The following C5orf22 variants were observed in gnomAD, a reference collection of about 807,000 sequenced individuals.
C5orf22 encodes the protein chromosome 5 open reading frame 22.
Under a neutral mutation model 48.7 loss-of-function variants are expected in C5orf22, and 36 were observed. The observed-to-expected ratio is 0.74, with a 90% CI of 0.57 to 0.98. The LOEUF is 0.98. C5orf22 is among the 50% of genes least tolerant of loss of function. C5orf22 has a pLI of 0.00. For missense variants in C5orf22, 486 were observed against 521.9 expected, an observed-to-expected ratio of 0.93 and a Z score of 0.67; for synonymous variants, 141 against 180.8, an observed-to-expected ratio of 0.78 and a Z score of 1.76.
chr5:31,549,931 G>T (rs960526523), intron 7 of C5orf22, among the ~76,000 whole-genome samples: 4 of 152,152 alleles, frequency 2.6e-5, no homozygotes, highest in African/African-American at 9.7e-5. Context: ...ATGTCTGCAG[G>T]CAGGTCTGCT....
At chr5:31,546,034 T>TTTTTTATTGATGAGTA (rs1742861617) in intron 7 of C5orf22, among the ~76,000 whole-genome samples, 1 of 152,188 alleles carries the variant, frequency 6.6e-6, no homozygotes, top group South Asian at 2.1e-4. Context: ...AAATGGTCCA[T>TTTTTTATTGATGAGTA]TTTTTATTGA....
At chr5:31,547,026 A>T (rs1742928763) in intron 7 of C5orf22, among the ~76,000 whole-genome samples, 1 of 152,238 alleles carries the variant, frequency 6.6e-6, no homozygotes, top group Admixed American at 6.5e-5. Context: ...CCTTCCACCT[A>T]TGAGCCTGTA....
At chr5:31,547,303 T>G (rs974512476) in intron 7 of C5orf22, among the ~76,000 whole-genome samples, 2 of 152,228 alleles carry the variant, frequency 1.3e-5, no homozygotes, top group Non-Finnish European at 2.9e-5. Context: ...CCTGGCTGTT[T>G]TCATGAGCTG....
At chr5:31,549,267 C>T (rs980984753) in intron 7 of C5orf22, among the ~76,000 whole-genome samples, 1 of 152,090 alleles carries the variant, frequency 6.6e-6, no homozygotes, top group African/African-American at 2.4e-5. Context: ...TACTCATTCG[C>T]TATCATGAGA....
Position 31,541,390 on chromosome 5 carries a change from C to A in C5orf22, c.980C>A (p.Ala327Asp), listed in dbSNP as rs1742458915. Residue 327 changes from alanine to aspartate, a missense_variant, in exon 6 of 9, where the codon GCT becomes GAT. Around this residue, in one of 3 missense-constraint regions of C5orf22, gnomAD observed 408 missense variants for 444.0 expected, o/e 0.92. Transcript: ENST00000325366. Reference sequence around the variant, plus strand: ...GATGAAGAAACGGTACAGAGATGGGCTTCAAACCCTGGGTAAGACTCTCAA... The same window carrying A: ...GATGAAGAAACGGTACAGAGATGGGATTCAAACCCTGGGTAAGACTCTCAA... ...GDDEETVQRW[A>D]SNPGMESLVP... 1.9e-6 allele frequency: 3 copies of A among 1,613,774 alleles called. No homozygotes were observed. The highest frequency in any genetic ancestry group is 2.5e-6 in the Non-Finnish European group (3 of 1,179,836).
At chr5:31,546,360 C>T (rs1185651262) in intron 7 of C5orf22, among the ~76,000 whole-genome samples, 1 of 152,192 alleles carries the variant, frequency 6.6e-6, no homozygotes, top group Admixed American at 6.5e-5. Context: ...TTCCAAGTCT[C>T]CTTCCTCTTA....
chr5:31,546,319 C>G (rs1742877488), intron 7 of C5orf22, among the ~76,000 whole-genome samples: 1 of 152,188 alleles, frequency 6.6e-6, no homozygotes, highest in African/African-American at 2.4e-5. Flanking sequence ...GTTCAAGTGA[C>G]TTTTCTCAGA....
intron 7 of C5orf22, among the ~76,000 whole-genome samples, chr5:31,550,993 C>T (rs752463559): frequency 6.6e-5 from 10 of 152,050 alleles, no homozygotes; most frequent in Admixed American, 1.3e-4. Context: ...GGCATATAGG[C>T]GAGTTCTACC....
At position 31,538,670 on chromosome 5, in the gene C5orf22, T is replaced by A; in HGVS notation, c.788T>A (p.Phe263Tyr). Residue 263 changes from phenylalanine to tyrosine, a missense_variant, in exon 4 of 9, where the codon TTC (phenylalanine) becomes TAC (tyrosine). This residue lies in a region of C5orf22 where 408 missense variants were observed against 444.0 expected (regional missense o/e 0.92). Coordinates refer to ENST00000325366, the MANE Select transcript of C5orf22 (RefSeq NM_018356.3). ...GATTTTTTTTCAGTCAAGAATCCCT[T>A]CAAAGAAATGTTCACTCAGGTAAAT... The part of the protein sequence containing the change: ...DLDFFSVKNP[F>Y]KEMFTQEEYK... The A allele has an allele frequency of 6.2e-7, 1 of 1,611,046 alleles. No homozygotes were observed. Among genetic ancestry groups the A allele is most frequent in the East Asian group, 2.2e-5 (1 of 44,840 alleles).
intron 8 of C5orf22, among the ~76,000 whole-genome samples, chr5:31,552,347 C>T (rs964057888): frequency 6.6e-6 from 1 of 152,156 alleles, no homozygotes; most frequent in African/African-American, 2.4e-5. Flanking sequence ...ATCCTTTTAT[C>T]AGTTGGAAAA....
chr5:31,545,849 A>G (rs1320623665), intron 7 of C5orf22, 137 bp downstream of exon 7: 3 of 576,968 alleles, frequency 5.2e-6, no homozygotes, highest in Admixed American at 3.5e-5. Flanking sequence ...AAGAAAAGAA[A>G]TGAGTGAAAA....
Position 31,554,240 on chromosome 5 carries a change from T to G in C5orf22, c.*1338T>G, listed in dbSNP as rs965008607. On this transcript the variant is annotated 3_prime_UTR_variant, in exon 9 of 9. Coordinates refer to ENST00000325366, the MANE Select transcript of C5orf22 (RefSeq NM_018356.3). ...CCCAACACAGCAGTTCTTTTCACTC[T>G]TGCTTGTAACTTTCAGGCCTTACCC... 6.6e-6 allele frequency: 1 copy of G among 152,248 alleles called. No individual in the cohort carries two copies. The highest frequency in any genetic ancestry group is 2.4e-5 in the African/African-American group (1 of 41,460). 9.4% of individuals were successfully genotyped at this position (152,248 alleles called of 1,614,324 possible).
chr5:31,551,278 T>C lies in C5orf22; in HGVS notation c.1060-15T>C. The C allele has an allele frequency of 6.2e-7, 1 of 1,611,354 alleles. No individual in the cohort carries two copies. Among genetic ancestry groups the C allele is most frequent in the Non-Finnish European group, 8.5e-7 (1 of 1,179,306 alleles). On this transcript the variant is annotated splice_polypyrimidine_tract_variant and intron_variant, in intron 7 of 8. Coordinates refer to ENST00000325366, the MANE Select transcript of C5orf22 (RefSeq NM_018356.3). The stretch of plus-strand genomic sequence containing the variant: ...AACTGTCATACAGTGTAATTTTTAA[T>C]TGTCTTATTTTCAGGTTCACCAGGC...
At position 31,553,154 on chromosome 5, in the gene C5orf22, T is replaced by TTTTG. The variant is rs1013524117; in HGVS notation, c.*255_*256insGTTT. The TTTTG allele has an allele frequency of 2.3e-5, 6 of 260,174 alleles. No individual in the cohort carries two copies. The highest frequency in any genetic ancestry group is 5.2e-5 in the Admixed American group (1 of 19,258). 16.1% of individuals were successfully genotyped at this position (260,174 alleles called of 1,614,324 possible). A position where few individuals can be genotyped will look rare whatever the true frequency, so the allele number is the denominator to read the frequency against. ...TCCTTAAGTATTTTTTAGGGTTTTGTTTTTTTTTTTGTTTGTTTGTTTGTT... is the reference window on the plus strand; with the variant it reads ...TCCTTAAGTATTTTTTAGGGTTTTGTTTTGTTTTTTTTTTGTTTGTTTGTTTGTT... On this transcript the variant is annotated 3_prime_UTR_variant, in exon 9 of 9. Transcript: ENST00000325366.
intron 7 of C5orf22, among the ~76,000 whole-genome samples, chr5:31,547,408 C>T (rs1742964105): frequency 6.6e-6 from 1 of 152,238 alleles, no homozygotes; most frequent in African/African-American, 2.4e-5. Flanking sequence ...GCCCTCTTCT[C>T]ACAGCTCCAC....
At chr5:31,536,554 A>G (rs191734053) in intron 3 of C5orf22, among the ~76,000 whole-genome samples, 1 of 152,214 alleles carries the variant, frequency 6.6e-6, no homozygotes, top group African/African-American at 2.4e-5. Context: ...CAAACAAAAA[A>G]ACAGTAATTA....
intron 4 of C5orf22, among the ~76,000 whole-genome samples, chr5:31,539,028 T>C (rs10035363): frequency 0.18 from 27,191 of 152,130 alleles, 2,586 homozygotes; most frequent in Middle Eastern, 0.24. Context: ...GTCAGCCCTC[T>C]GTATCCGTGG....
intron 7 of C5orf22, among the ~76,000 whole-genome samples, chr5:31,547,962 C>G (rs578050147): frequency 6.6e-6 from 1 of 152,280 alleles, no homozygotes; most frequent in African/African-American, 2.4e-5. Context: ...TTAACATTGT[C>G]AGGCTGCAAA....
At chr5:31,541,585 G>A (rs1742474430) in intron 6 of C5orf22, among the ~76,000 whole-genome samples, 183 bp downstream of exon 6, 1 of 151,886 alleles carries the variant, frequency 6.6e-6, no homozygotes, top group Admixed American at 6.6e-5. Flanking sequence ...ACAAGACCCT[G>A]TCTCTAAAAA....
Sources: gnomAD v4.1 joint callset for allele counts (sites outside exome capture counted in the v4.1 genomes callset) on GRCh38, gnomAD v4.1.1 for gene constraint, gnomAD v4.1.1 regional missense constraint, MANE v1.5 for transcripts, NCBI Gene and HGNC (gene_info 2026-07-23, HGNC 2026-07-21) for gene names.